Variants in GAGE10 observed in about 807,000 individuals in gnomAD.
GAGE10 encodes G antigen 10.
A neutral mutation model predicts 11.5 loss-of-function variants in GAGE10; 9 were observed. The ratio of observed to expected loss-of-function variants is 0.78; its 90% CI spans 0.47 to 1.37. The LOEUF is 1.37. GAGE10 is among the 40% of genes most tolerant of loss of function. GAGE10 has a pLI of 0.00. For synonymous variants in GAGE10, 23 were observed against 29.7 expected (o/e 0.77, Z 0.73); for missense variants, 83 against 92.9 (o/e 0.89, Z 0.44).
chrX:49,317,929 A>G (rs1423002009), intron 4 of GAGE10, among the ~76,000 whole-genome samples: 2 of 75,586 alleles, frequency 2.6e-5, no homozygotes, highest in East Asian at 8.0e-4. Flanking sequence ...ATGCTGAAGC[A>G]CTCATGCGGG....
chrX:49,317,446 C>G (rs1199179261), intron 4 of GAGE10, among the ~76,000 whole-genome samples, 158 bp downstream of exon 4: 3 of 111,709 alleles, frequency 2.7e-5, no homozygotes, highest in African/African-American at 9.8e-5. Context: ...CTTCTGGGTT[C>G]AAGTGATTCT....
chrX:49,309,778 T>A (rs1557124534), intron 3 of GAGE10, among the ~76,000 whole-genome samples: 1 of 111,233 alleles, frequency 9.0e-6, no homozygotes, highest in Non-Finnish European at 1.9e-5. Flanking sequence ...AGGAGTTAAG[T>A]TCAAAGAGAT....
chrX:49,307,424 TAC>T (rs1701978549), intron 3 of GAGE10, among the ~76,000 whole-genome samples: 1 of 111,495 alleles, frequency 9.0e-6, no homozygotes, highest in Admixed American at 9.5e-5. Context: ...AGTCATTTAT[TAC>T]ACAGTGTATA....
At chrX:49,317,103 T>C in intron 3 of GAGE10, 60 bp from the exon 4 acceptor site, 1 of 1,099,596 alleles carries the variant, frequency 9.1e-7, no homozygotes, top group Non-Finnish European at 1.2e-6. Context: ...ATGAATATTA[T>C]TTTCTTATTC....
At chrX:49,307,930 T>A (rs1310761754) in intron 3 of GAGE10, among the ~76,000 whole-genome samples, 5 of 112,466 alleles carry the variant, frequency 4.4e-5, no homozygotes, top group Admixed American at 1.9e-4. Context: ...GTCTTATCTC[T>A]CCCTTTCCGA....
intron 3 of GAGE10, among the ~76,000 whole-genome samples, chrX:49,305,773 G>A (rs1280179800): frequency 2.7e-5 from 3 of 111,546 alleles, no homozygotes; most frequent in Non-Finnish European, 5.6e-5. Flanking sequence ...AAATGGAGGC[G>A]CTGGGATTGT....
chrX:49,305,285 A>G (rs1241841465), intron 2 of GAGE10, 119 bp from the exon 3 acceptor site: 2 of 1,110,510 alleles, frequency 1.8e-6, no homozygotes, highest in Non-Finnish European at 2.4e-6. Context: ...ATAGAGTTGG[A>G]GAAATGTCTT....
chrX:49,304,682 T>G (rs1481459159), intron 1 of GAGE10, among the ~76,000 whole-genome samples, 170 bp from the exon 2 acceptor site: 11 of 108,288 alleles, frequency 1.0e-4, no homozygotes, highest in African/African-American at 1.6e-4. Flanking sequence ...TTGGCCAGCA[T>G]AAGTGGCTTT....
At chrX:49,310,792 G>A (rs1282585331) in intron 3 of GAGE10, among the ~76,000 whole-genome samples, 1 of 111,227 alleles carries the variant, frequency 9.0e-6, no homozygotes, top group Non-Finnish European at 1.9e-5. Flanking sequence ...ATCGTAGGGG[G>A]TACAGGGGCC....
intron 3 of GAGE10, among the ~76,000 whole-genome samples, chrX:49,306,387 G>T (rs1383915339): frequency 9.0e-6 from 1 of 111,571 alleles, no homozygotes; most frequent in Non-Finnish European, 1.9e-5. Flanking sequence ...TTGGTGCTTT[G>T]TTCTTCACGG....
chrX:49,313,457 G>A (rs1403134510), intron 3 of GAGE10, among the ~76,000 whole-genome samples: 1 of 111,758 alleles, frequency 8.9e-6, no homozygotes, highest in Non-Finnish European at 1.9e-5. Context: ...CAAATTAGAG[G>A]GGATTTAAAG....
intron 2 of GAGE10, among the ~76,000 whole-genome samples, chrX:49,305,188 T>G (rs1984695): frequency 0.43 from 47,681 of 109,927 alleles, 8,965 homozygotes; most frequent in Non-Finnish European, 0.59. Context: ...ATTCCAACAC[T>G]GAGTATAATA....
chrX:49,305,269 T>C (rs1178198349), intron 2 of GAGE10, 135 bp from the exon 3 acceptor site: 5 of 1,156,944 alleles, frequency 4.3e-6, no homozygotes, highest in Non-Finnish European at 5.7e-6. Flanking sequence ...TTATTGGGCA[T>C]AGAGCATAGA....
chrX:49,311,920 A>G (rs1569531533), intron 3 of GAGE10, among the ~76,000 whole-genome samples: 1 of 112,686 alleles, frequency 8.9e-6, no homozygotes, highest in Non-Finnish European at 1.9e-5. Flanking sequence ...GCCACACGCT[A>G]TAGTCACCTT....
intron 3 of GAGE10, among the ~76,000 whole-genome samples, chrX:49,312,901 T>A (rs2066380215): frequency 8.9e-6 from 1 of 112,403 alleles, no homozygotes; most frequent in South Asian, 3.7e-4. Context: ...ACAATGTCTA[T>A]CCTGTGCCCG....
intron 4 of GAGE10, 128 bp downstream of exon 4, chrX:49,317,416 C>T (rs1466966565): frequency 3.2e-5 from 32 of 1,011,591 alleles, no homozygotes; most frequent in Admixed American, 1.5e-4. Context: ...GGTGGCATCT[C>T]GGCTCATTGG....
At chrX:49,304,478 C>T (rs1422929540) in intron 1 of GAGE10, among the ~76,000 whole-genome samples, 2 of 112,985 alleles carry the variant, frequency 1.8e-5, no homozygotes, top group Non-Finnish European at 3.8e-5. Flanking sequence ...CCATGGCCTG[C>T]GCCTGTAGTC....
At chrX:49,315,289 G>A (rs1557125106) in intron 3 of GAGE10, among the ~76,000 whole-genome samples, 3 of 111,649 alleles carry the variant, frequency 2.7e-5, no homozygotes, top group Non-Finnish European at 5.7e-5. Flanking sequence ...CAGTTTATGA[G>A]GAAAATAAAA....
intron 3 of GAGE10, among the ~76,000 whole-genome samples, chrX:49,309,727 CA>C (rs1316076719): frequency 8.9e-6 from 1 of 112,132 alleles, no homozygotes; most frequent in African/African-American, 3.2e-5. Context: ...CTCCTCCCTA[CA>C]TTCCAATCTA....
Sources: allele counts gnomAD v4.1 joint callset (sites outside exome capture counted in the v4.1 genomes callset), GRCh38; gene constraint gnomAD v4.1.1; transcripts MANE v1.5; gene names NCBI Gene and HGNC (gene_info 2026-07-23, HGNC 2026-07-21).